The following KCNJ15 variants were observed in gnomAD, a reference collection of about 807,000 sequenced individuals.
The protein encoded by KCNJ15 is potassium inwardly rectifying channel subfamily J member 15, also known as ATP-sensitive inward rectifier potassium channel 15.
KCNJ15 carries 14 observed loss-of-function variants against 23.0 expected under a neutral mutation model. The ratio of observed to expected loss-of-function variants is 0.61; its 90% CI spans 0.40 to 0.95. KCNJ15 has a LOEUF of 0.95. KCNJ15 is among the 40% of genes least tolerant of loss of function. KCNJ15 has a pLI of 0.00. For synonymous variants in KCNJ15, 185 were observed against 183.2 expected (o/e 1.01, Z -0.08); for missense variants, 388 against 461.8 (o/e 0.84, Z 1.46).
At chr21:38,267,474 G>C (rs1981581419) in intron 1 of KCNJ15, 1 of 152,218 alleles carries the variant, frequency 6.6e-6, no homozygotes, top group African/African-American at 2.4e-5. Context: ...CAAAGGATGG[G>C]GAAGAAGAAA....
At chr21:38,269,421 A>G (rs1981848142) in intron 1 of KCNJ15, among the ~76,000 whole-genome samples, 1 of 152,178 alleles carries the variant, frequency 6.6e-6, no homozygotes, top group Admixed American at 6.5e-5. Flanking sequence ...TCTATGAACA[A>G]CTATTGTTGT....
intron 1 of KCNJ15, among the ~76,000 whole-genome samples, chr21:38,243,267 A>C (rs1407491765): frequency 6.6e-6 from 1 of 152,150 alleles, no homozygotes; most frequent in Non-Finnish European, 1.5e-5. Context: ...TCACAGGACA[A>C]CACTTACACT....
chr21:38,288,978 T>C (rs1482689297), intron 1 of KCNJ15, among the ~76,000 whole-genome samples: 1 of 152,096 alleles, frequency 6.6e-6, no homozygotes, highest in Non-Finnish European at 1.5e-5. Flanking sequence ...GGCAGGCAGA[T>C]CACTTGAGGT....
intron 1 of KCNJ15, among the ~76,000 whole-genome samples, chr21:38,230,742 G>A (rs982888389): frequency 6.6e-6 from 1 of 152,028 alleles, no homozygotes; most frequent in Non-Finnish European, 1.5e-5. Flanking sequence ...TTGAAATTAA[G>A]TAGTTTACTT....
chr21:38,288,560 G>A (rs1052544326), intron 1 of KCNJ15, among the ~76,000 whole-genome samples: 7 of 152,080 alleles, frequency 4.6e-5, no homozygotes, highest in African/African-American at 1.5e-4. Context: ...CAGAAAACAA[G>A]CCAGCCTGAA....
intron 1 of KCNJ15, among the ~76,000 whole-genome samples, chr21:38,259,026 C>T (rs1042497494): frequency 2.0e-5 from 3 of 151,744 alleles, no homozygotes; most frequent in East Asian, 3.9e-4. Context: ...TGTGTGTGCG[C>T]GTGTGTGTGG....
chr21:38,280,563 C>G (rs60736574), intron 1 of KCNJ15, among the ~76,000 whole-genome samples: 1 of 152,090 alleles, frequency 6.6e-6, no homozygotes, highest in Non-Finnish European at 1.5e-5. Context: ...GTTAGCACTA[C>G]CGAATCTTTG....
At chr21:38,251,080 T>C (rs1979798589) in intron 1 of KCNJ15, among the ~76,000 whole-genome samples, 1 of 152,070 alleles carries the variant, frequency 6.6e-6, no homozygotes, top group African/African-American at 2.4e-5. Context: ...ATGCCACACA[T>C]TGATGAATGA....
At chr21:38,247,562 ATGGATGG>A (rs1979527870) in intron 1 of KCNJ15, among the ~76,000 whole-genome samples, 1 of 152,020 alleles carries the variant, frequency 6.6e-6, no homozygotes, top group African/African-American at 2.4e-5. Flanking sequence ...GGATGGATGG[ATGGATGG>A]AAAGATGCAT....
chr21:38,283,860 G>C (rs558158322), intron 1 of KCNJ15, among the ~76,000 whole-genome samples: 5 of 151,552 alleles, frequency 3.3e-5, no homozygotes, highest in Admixed American at 3.3e-4. Context: ...TGAATTCCTG[G>C]TGCCTTTGTG....
chr21:38,261,325 C>T (rs1980872861), intron 1 of KCNJ15, among the ~76,000 whole-genome samples: 1 of 152,084 alleles, frequency 6.6e-6, no homozygotes, highest in South Asian at 2.1e-4. Flanking sequence ...CTATTAAGTA[C>T]AAGGATTTGG....
intron 1 of KCNJ15, among the ~76,000 whole-genome samples, chr21:38,266,119 C>T (rs1981436402): frequency 1.3e-5 from 2 of 151,996 alleles, no homozygotes; most frequent in Admixed American, 6.6e-5. Context: ...AGGCAGGGCT[C>T]TAAGTATTTC....
intron 1 of KCNJ15, among the ~76,000 whole-genome samples, chr21:38,251,001 G>A (rs1979789525): frequency 6.6e-6 from 1 of 152,128 alleles, no homozygotes; most frequent in African/African-American, 2.4e-5. Context: ...GAGCCTCCCT[G>A]TACAGTTGAT....
At chr21:38,274,416 G>A (rs565807089) in intron 1 of KCNJ15, among the ~76,000 whole-genome samples, 41 of 58,098 alleles carry the variant, frequency 7.1e-4, no homozygotes, top group African/African-American at 3.2e-3. Flanking sequence ...GGAAGATGCT[G>A]TCTGTGGAAA....
intron 1 of KCNJ15, among the ~76,000 whole-genome samples, chr21:38,274,474 C>T (rs762571256): frequency 2.0e-5 from 3 of 152,226 alleles, no homozygotes; most frequent in Non-Finnish European, 2.9e-5. Context: ...GTCTTCCTTC[C>T]ACTTCCCCAC....
At position 38,299,080 on chromosome 21, in the gene KCNJ15, C is replaced by G. The variant is rs541003830; in HGVS notation, c.-18-164C>G. ...TTCTGCAAAGCCTCTGCTCCTCACT[C>G]TACCCTACCGACCACCTAAGTATAG... On this transcript the variant is annotated intron_variant, in intron 2 of 2. Transcript: ENST00000398938. This position sits in a 1 kb window ranked among gnomAD's most constrained non-coding sequence, Gnocchi z 4.5. Among the ~76,000 whole-genome samples, 4 of 152,340 alleles carry G rather than the reference C, an allele frequency of 2.6e-5. No individual in the cohort carries two copies. Among genetic ancestry groups the G allele is most frequent in the Admixed American group, 1.3e-4 (2 of 15,302 alleles).
Position 38,300,110 on chromosome 21 carries a change from C to G in KCNJ15, c.849C>G (p.Leu283=). The G allele has an allele frequency of 3.1e-6, 5 of 1,614,196 alleles. No homozygotes were observed. The highest frequency in any genetic ancestry group is 3.4e-6 in the Non-Finnish European group (4 of 1,180,040). The change falls in exon 3 of 3, where the codon CTC becomes CTG. Residue 283 remains leucine (L), a synonymous_variant. Transcript: ENST00000398938. ...KEKEFELVVL[L]NATVESTSAV... ...AGGAGTTTGAGCTTGTGGTCCTCCTCAATGCCACTGTGGAATCCACCAGCG... is the reference window on the plus strand; with the variant it reads ...AGGAGTTTGAGCTTGTGGTCCTCCTGAATGCCACTGTGGAATCCACCAGCG...
At chr21:38,295,415 G>A (rs956414465) in intron 1 of KCNJ15, among the ~76,000 whole-genome samples, 1 of 152,112 alleles carries the variant, frequency 6.6e-6, no homozygotes, top group African/African-American at 2.4e-5. Context: ...TGATTCTGAT[G>A]TTAGTTCTGT....
intron 1 of KCNJ15, among the ~76,000 whole-genome samples, chr21:38,246,207 T>C (rs926974017): frequency 3.3e-5 from 5 of 152,212 alleles, no homozygotes; most frequent in Non-Finnish European, 7.3e-5. Context: ...AAACGAATCA[T>C]GTATCTAGGC....
Sources: gnomAD v4.1 joint callset for allele counts (sites outside exome capture counted in the v4.1 genomes callset) on GRCh38, gnomAD v4.1.1 for gene constraint, Gnocchi (gnomAD v3.1) non-coding constraint, MANE v1.5 for transcripts, NCBI Gene and HGNC (gene_info 2026-07-23, HGNC 2026-07-21) for gene names.